Variants in KIF6 observed in about 807,000 individuals in gnomAD.
The protein encoded by KIF6 is kinesin family member 6.
Under a neutral mutation model 112.7 loss-of-function variants are expected in KIF6, and 106 were observed. The ratio of observed to expected loss-of-function variants is 0.94; its 90% confidence interval spans 0.80 to 1.11. The LOEUF is 1.11. Among genes scored for constraint, KIF6 ranks in the 50% least tolerant of loss-of-function variants. The pLI is 0.00. For missense variants in KIF6, 929 were observed against 964.0 expected (o/e 0.96, Z 0.48); for synonymous variants, 339 against 339.9 (o/e 1.00, Z 0.03).
At chr6:39,705,209 G>C (rs1789131473) in intron 3 of KIF6, among the ~76,000 whole-genome samples, 1 of 152,184 alleles carries the variant, frequency 6.6e-6, no homozygotes. Context: ...TGGAGGGCTT[G>C]TTAAACTACA....
intron 7 of KIF6, among the ~76,000 whole-genome samples, chr6:39,592,417 T>C (rs1235063366): frequency 2.0e-5 from 3 of 152,190 alleles, no homozygotes; most frequent in African/African-American, 7.2e-5. Context: ...CACCATTACT[T>C]TTTCTCCTAA....
intron 19 of KIF6, 98 bp from the exon 20 acceptor site, chr6:39,346,624 T>G (rs992557224): frequency 1.5e-5 from 9 of 594,084 alleles, no homozygotes; most frequent in African/African-American, 1.5e-4. Flanking sequence ...AGTCCTGTCT[T>G]GGATGGTTTA....
intron 13 of KIF6, among the ~76,000 whole-genome samples, chr6:39,516,368 A>G (rs566878599): frequency 4.2e-4 from 63 of 148,554 alleles, no homozygotes; most frequent in African/African-American, 1.4e-3. Flanking sequence ...AATACATGTT[A>G]AAAATATATA....
In KIF6 at chr6:39,572,681, T is replaced by TTA. The variant is rs1554128231; in HGVS notation, c.1181+5374_1181+5375insTA. 6.4e-3 allele frequency among the ~76,000 whole-genome samples: 885 copies of TTA among 138,064 alleles called. 14 individuals are homozygous for TTA. The highest frequency in any genetic ancestry group is 0.013 in the African/African-American group (470 of 36,270). The allele number at this position is 138,064 out of a possible 152,430, so 90.6% of individuals were successfully genotyped here. ...AGGCTTTTTTTTTTTTTTTTTTTTT[T>TTA]ACCAAAGAAACAATTGTATATGTGT... is the stretch of plus-strand genomic sequence containing the variant. On this transcript the variant is annotated intron_variant, in intron 10 of 22. Coordinates refer to ENST00000287152, the MANE Select transcript of KIF6 (RefSeq NM_145027.6).
In KIF6 at chr6:39,540,050, TCCTGGG is replaced by T. The variant is rs778064557; in HGVS notation, c.1592_1597del (p.Ala531_Gln532del). ...GGATCTTTTCCCCAAAATGCTGAAG[TCCTGGG>T]CCTGTGAGGGAGCTGAGGATAGTCG... On this transcript the variant is annotated inframe_deletion, in exon 13 of 23. Transcript: ENST00000287152. 1.2e-6 allele frequency: 2 copies of T among 1,613,404 alleles called. No individual in the cohort carries two copies. The highest frequency in any genetic ancestry group is 3.3e-5 in the Admixed American group (2 of 59,874).
intron 1 of KIF6, among the ~76,000 whole-genome samples, chr6:39,721,364 G>A (rs931010119): frequency 6.6e-6 from 1 of 152,156 alleles, no homozygotes; most frequent in African/African-American, 2.4e-5. Flanking sequence ...TGTAATTCAT[G>A]TATTTGATGT....
At chr6:39,581,168 T>C (rs1390214323) in intron 9 of KIF6, among the ~76,000 whole-genome samples, 3 of 145,884 alleles carry the variant, frequency 2.1e-5, no homozygotes, top group South Asian at 4.4e-4. Flanking sequence ...TTTCTTTTTT[T>C]TTTTTTTTTT....
chr6:39,337,238 T>TC lies in KIF6; in HGVS notation c.2429-691_2429-690insG, dbSNP rs70984127. ...TTCTTTCTTTCTTTCTTTCTTTCTT[T>TC]TTCTTTCTTTTCTTTCCCTCCCTCC... On this transcript the variant is annotated intron_variant, in intron 22 of 22. Transcript: ENST00000287152. Among the ~76,000 whole-genome samples, 70 of 39,156 alleles carry TC rather than the reference T, an allele frequency of 1.8e-3. 1 individual carries two copies. Among genetic ancestry groups the TC allele is most frequent in the Middle Eastern group, 0.021 (2 of 94 alleles). The allele number at this position is 39,156 out of a possible 152,430, so 25.7% of individuals were successfully genotyped here.
intron 13 of KIF6, among the ~76,000 whole-genome samples, chr6:39,510,872 C>CAAAAAAAAAAA (rs1180631310): frequency 8.4e-5 from 2 of 23,860 alleles, no homozygotes; most frequent in Admixed American, 6.3e-4. Context: ...AAATGGGAAG[C>CAAAAAAAAAAA]AAAAAAAAAA....
In KIF6 at chr6:39,431,082, G is replaced by A. The variant is rs915279167; in HGVS notation, c.1725C>T (p.Ile575=). The A allele has an allele frequency of 3.7e-6, 6 of 1,612,540 alleles. No individual in the cohort carries two copies. The highest frequency in any genetic ancestry group is 1.7e-5 in the Admixed American group (1 of 59,958). Residue 575 remains isoleucine, a synonymous_variant, in exon 14 of 23, where the codon ATC becomes ATT. Coordinates refer to ENST00000287152, the MANE Select transcript of KIF6 (RefSeq NM_145027.6). ...FKRDHADSVT[I]DDNKQILKQR... The stretch of plus-strand genomic sequence containing the variant: ...GTTTCAGAATCTGTTTGTTGTCATC[G>A]ATGGTAACGCTGTCAGCGTGGTCCC...
At chr6:39,658,286 G>T (rs558957218) in intron 3 of KIF6, among the ~76,000 whole-genome samples, 9 of 152,108 alleles carry the variant, frequency 5.9e-5, no homozygotes, top group Non-Finnish European at 1.3e-4. Context: ...CAGAAGGAGA[G>T]TTGGAACTGA....
chr6:39,653,230 T>C (rs1785578299), intron 3 of KIF6, among the ~76,000 whole-genome samples: 1 of 152,128 alleles, frequency 6.6e-6, no homozygotes, highest in Non-Finnish European at 1.5e-5. Context: ...TGATTTTCAT[T>C]AATTACATAG....
intron 13 of KIF6, among the ~76,000 whole-genome samples, chr6:39,491,681 T>C (rs1455387933): frequency 6.6e-6 from 1 of 152,186 alleles, no homozygotes; most frequent in African/African-American, 2.4e-5. Context: ...TGAAAAGTTT[T>C]GAAGACAGTG....
intron 19 of KIF6, among the ~76,000 whole-genome samples, chr6:39,347,941 T>G (rs1407960988): frequency 6.6e-6 from 1 of 152,214 alleles, no homozygotes; most frequent in Non-Finnish European, 1.5e-5. Context: ...TTCCACGAGG[T>G]GCCCTTCATG....
At chr6:39,341,050 A>C (rs866944407) in intron 22 of KIF6, among the ~76,000 whole-genome samples, 2 of 151,968 alleles carry the variant, frequency 1.3e-5, no homozygotes, top group African/African-American at 2.4e-5. Flanking sequence ...TTCCCTCTCT[A>C]TGCATGTTTC....
intron 6 of KIF6, 43 bp from the exon 7 acceptor site, chr6:39,596,303 AT>A: frequency 7.9e-7 from 1 of 1,271,120 alleles, no homozygotes; most frequent in Middle Eastern, 1.9e-4. Context: ...AACAATGAAA[AT>A]TTTTAAAGAA....
At chr6:39,521,604 C>A (rs939419318) in intron 13 of KIF6, among the ~76,000 whole-genome samples, 4 of 152,076 alleles carry the variant, frequency 2.6e-5, no homozygotes, top group Non-Finnish European at 4.4e-5. Flanking sequence ...AGGGAAAAAT[C>A]TACTGGAGAA....
intron 3 of KIF6, among the ~76,000 whole-genome samples, chr6:39,656,840 C>T (rs1561903352): frequency 1.3e-5 from 2 of 152,184 alleles, no homozygotes; most frequent in Non-Finnish European, 1.5e-5. Flanking sequence ...TGCCCCATAA[C>T]TCTCACCTTC....
chr6:39,524,119 AG>A (rs1217697572), intron 13 of KIF6, among the ~76,000 whole-genome samples: 2 of 150,278 alleles, frequency 1.3e-5, no homozygotes, highest in Non-Finnish European at 3.0e-5. Flanking sequence ...AGTTTGGGCA[AG>A]GCTGTGTGTG....
Sources: allele counts gnomAD v4.1 joint callset (sites outside exome capture counted in the v4.1 genomes callset), GRCh38; gene constraint gnomAD v4.1.1; transcripts MANE v1.5; gene names NCBI Gene and HGNC (gene_info 2026-07-23, HGNC 2026-07-21).